The following PSMB10 variants were observed in gnomAD, a reference collection of about 807,000 sequenced individuals.
PSMB10 encodes the protein proteasome subunit beta type-10.
Under a neutral mutation model 29.8 loss-of-function variants are expected in PSMB10, and 29 were observed. The observed-to-expected ratio is 0.97, with a 90% CI of 0.73 to 1.33. The LOEUF is 1.33. PSMB10 is among the 40% of genes most tolerant of loss of function. PSMB10 has a pLI of 0.00. For synonymous variants in PSMB10, 157 were observed against 164.7 expected (o/e 0.95, Z 0.36); for missense variants, 327 against 369.2 (o/e 0.89, Z 0.94).
At chr16:67,935,815 C>A in intron 4 of PSMB10, 118 bp from the exon 5 acceptor site, 1 of 1,473,136 alleles carries the variant, frequency 6.8e-7, no homozygotes, top group Middle Eastern at 2.4e-4. Flanking sequence ...TGACTGACAT[C>A]GCCTTTTCCT....
chr16:67,936,771 TA>T lies in PSMB10; in HGVS notation c.-23del, dbSNP rs770710099. ...GCATCTTGGGGCAGGCAGAGGGGATTAGGGGTCGCGGGCGGATGAGTCGGCC... is the reference window on the plus strand; with the variant it reads ...GCATCTTGGGGCAGGCAGAGGGGATTGGGGTCGCGGGCGGATGAGTCGGCC... On this transcript the variant is annotated 5_prime_UTR_variant, in exon 1 of 8. Coordinates refer to ENST00000358514, the MANE Select transcript of PSMB10 (RefSeq NM_002801.4). 3.8e-4 allele frequency: 584 copies of T among 1,549,582 alleles called. 1 individual carries two copies. Among genetic ancestry groups the T allele is most frequent in the South Asian group, 5.7e-4 (48 of 84,170 alleles).
chr16:67,935,779 G>C, intron 4 of PSMB10, 82 bp from the exon 5 acceptor site: 1 of 1,513,746 alleles, frequency 6.6e-7, no homozygotes. Context: ...TGCTATCCCC[G>C]CCCCTTCCTG....
rs2058264426 is a variant in PSMB10, at chr16:67,936,410, GC to G, written c.131del (p.Gly44AlafsTer44). The G allele has an allele frequency of 6.2e-7, 1 of 1,613,228 alleles. No individual in the cohort carries two copies. On this transcript the variant is annotated frameshift_variant, in exon 2 of 8. Transcript: ENST00000358514. LOFTEE classifies it high-confidence loss of function. Reference sequence around the variant, plus strand: ...CCCCGCTGCTCACTTGGAACACCAGGCCCGCGATGGTGGTCCCGGTCTTGCG... The same window carrying G: ...CCCCGCTGCTCACTTGGAACACCAGGCCGCGATGGTGGTCCCGGTCTTGCG... ...HARKTGTTIAGLVFQDGVILG... is the reference protein window; with the variant it reads ...HARKTGTTIAXLVFQDGVILG...
Position 67,936,696 on chromosome 16 carries a change from T to C in PSMB10, c.54A>G (p.Gln18=). 1 of 1,554,582 alleles carries C rather than the reference T, an allele frequency of 6.4e-7. No homozygotes were observed. The highest frequency in any genetic ancestry group is 8.7e-7 in the Non-Finnish European group (1 of 1,148,656). Residue 18 remains glutamine (Q), a splice_region_variant and synonymous_variant, in exon 1 of 8, where the codon CAA becomes CAG. Transcript: ENST00000358514. ...PRGGFSFENC[Q]RNASLERVLP... is the part of the protein sequence containing the mutation. Reference sequence around the variant, plus strand: ...CGCCCCCCGCGCCCCCGCTTCACCTTTGGCAGTTCTCGAAGGAGAAGCCCC... The same window carrying C: ...CGCCCCCCGCGCCCCCGCTTCACCTCTGGCAGTTCTCGAAGGAGAAGCCCC...
chr16:67,936,320 G>A lies in PSMB10; in HGVS notation c.145-8C>T. The A allele has an allele frequency of 6.2e-7, 1 of 1,612,758 alleles. No individual in the cohort carries two copies. The highest frequency in any genetic ancestry group is 8.5e-7 in the Non-Finnish European group (1 of 1,179,194). ...GCCCAGAATGACCCCGTCCTGAGGA[G>A]AGGGAGGGACCGCAGCTTCAGTGCC... On this transcript the variant is annotated splice_region_variant and splice_polypyrimidine_tract_variant and intron_variant, in intron 2 of 7. Transcript: ENST00000358514.
rs1201258881 is a variant in PSMB10 at position 67,934,559 on chromosome 16, C to T, written c.*1G>A. ...CCTTGTTCCAAGCTCTAAGCCTCAG[C>T]TTACTCCACCTCCATAGCCTGCACA... On this transcript the variant is annotated 3_prime_UTR_variant, in exon 8 of 8. Transcript: ENST00000358514. The surrounding 1 kb of genome is among the most constrained non-coding windows in gnomAD (Gnocchi z 4.3). The T allele has an allele frequency of 5.6e-6, 9 of 1,613,216 alleles. No homozygotes were observed. Among genetic ancestry groups the T allele is most frequent in the Non-Finnish European group, 7.6e-6 (9 of 1,179,254 alleles).
intron 4 of PSMB10, 23 bp from the exon 5 acceptor site, chr16:67,935,720 G>C: frequency 6.2e-7 from 1 of 1,610,308 alleles, no homozygotes; most frequent in Non-Finnish European, 8.5e-7. Context: ...GGGCGGGGTC[G>C]GCCACAAGCT....
In PSMB10 at chr16:67,934,623, C is replaced by A. The variant is rs756980919; in HGVS notation, c.759G>T (p.Gln253His). Residue 253 changes from glutamine to histidine, a missense_variant, in exon 8 of 8, where the codon CAG (glutamine) becomes CAT (histidine). Physicochemically the swap from Gln to His is conservative, Grantham distance 24. Coordinates refer to ENST00000358514, the MANE Select transcript of PSMB10 (RefSeq NM_002801.4). The surrounding 1 kb of genome is among the most constrained non-coding windows in gnomAD (Gnocchi z 4.3). Reference sequence around the variant, plus strand: ...GCTCCAGGGTTAGTGGCTTCACTGTCTGGGTCAGGACAGCTGTGGTTCCAG... The same window carrying A: ...GCTCCAGGGTTAGTGGCTTCACTGTATGGGTCAGGACAGCTGTGGTTCCAG... ...FVPGTTAVLT[Q>H]TVKPLTLELV... 2.2e-5 allele frequency: 36 copies of A among 1,614,086 alleles called. No individual in the cohort carries two copies. The East Asian group carries it at 5.3e-4, about 24-fold the overall frequency.
chr16:67,935,686 T>A lies in PSMB10; in HGVS notation c.395A>T (p.His132Leu), dbSNP rs754403391. 1 of 1,613,748 alleles carries A rather than the reference T, an allele frequency of 6.2e-7. No homozygotes were observed. Among genetic ancestry groups the A allele is most frequent in the South Asian group, 1.1e-5 (1 of 91,056 alleles). Residue 132 changes from histidine (H) to leucine (L), a missense_variant, in exon 5 of 8, where the codon CAC becomes CTC. His to Leu is a moderately conservative substitution (Grantham distance 99). Transcript: ENST00000358514. ...GCCCACGATCAGCGATGCACCCACG[T>A]GGCCCTGGTACCTGCTCGAGGATGG... ...LRQTLFRYQG[H>L]VGASLIVGGV... is the part of the protein sequence containing the mutation.
chr16:67,936,367 C>T (rs755803173), intron 2 of PSMB10, 31 bp downstream of exon 2: 6 of 1,611,350 alleles, frequency 3.7e-6, no homozygotes, highest in Non-Finnish European at 4.2e-6. Context: ...CTCGGCTCCC[C>T]TCCAGCTCCC....
At chr16:67,936,144 G>C in intron 3 of PSMB10, 41 bp from the exon 4 acceptor site, 1 of 1,608,680 alleles carries the variant, frequency 6.2e-7, no homozygotes, top group Non-Finnish European at 8.5e-7. Flanking sequence ...GGGCTGGGAC[G>C]TGCGGGGACC....
chr16:67,936,144 G>A lies in PSMB10; in HGVS notation c.243-41C>T, dbSNP rs745335603. 15 of 1,608,680 alleles carry A rather than the reference G, an allele frequency of 9.3e-6. No individual in the cohort carries two copies. In the East Asian group the frequency reaches 2.5e-4, roughly 26 times the overall value. ...GGATCGGTGTGGGCAGGGCTGGGAC[G>A]TGCGGGGACCGGAGTGGGAACGAGG... On this transcript the variant is annotated intron_variant, in intron 3 of 7. Coordinates refer to ENST00000358514, the MANE Select transcript of PSMB10 (RefSeq NM_002801.4).
chr16:67,936,788 T>A lies in PSMB10; in HGVS notation c.-39A>T. The stretch of plus-strand genomic sequence containing the variant: ...GAGGGGATTAGGGGTCGCGGGCGGA[T>A]GAGTCGGCCAGACAAGCGGGGCCAG... On this transcript the variant is annotated 5_prime_UTR_variant, in exon 1 of 8. Transcript: ENST00000358514. The A allele has an allele frequency of 6.5e-7, 1 of 1,530,602 alleles. No homozygotes were observed. Among genetic ancestry groups the A allele is most frequent in the Non-Finnish European group, 8.8e-7 (1 of 1,131,382 alleles). 94.8% of individuals were successfully genotyped at this position (1,530,602 alleles called of 1,614,324 possible).
intron 4 of PSMB10, 35 bp downstream of exon 4, chr16:67,935,928 C>T (rs1462993876): frequency 2.5e-6 from 4 of 1,591,482 alleles, no homozygotes; most frequent in Non-Finnish European, 3.4e-6. Context: ...CCCGTAACTA[C>T]CCCTGCCGGG....
Position 67,934,925 on chromosome 16 carries a change from C to A in PSMB10, c.582G>T (p.Leu194=). The A allele has an allele frequency of 1.9e-6, 3 of 1,612,564 alleles. No individual in the cohort carries two copies. Among genetic ancestry groups the A allele is most frequent in the Non-Finnish European group, 2.5e-6 (3 of 1,179,986 alleles). The change falls in exon 7 of 8, where the codon CTG becomes CTT. Residue 194 remains leucine (L), a synonymous_variant. Transcript: ENST00000358514. This position sits in a 1 kb window ranked among gnomAD's most constrained non-coding sequence, Gnocchi z 4.3. ...AGATCCCGGCGGTGACGGCTTCCAC[C>A]AGCAGCCCCTGAGCAGCCTCCAGCT... ...NMTLEAAQGL[L]VEAVTAGILG...
Position 67,936,086 on chromosome 16 carries a change from A to T in PSMB10, c.260T>A (p.Val87Glu), listed in dbSNP as rs758135754. Reference protein sequence around the residue: ...APKIYCCGAGVAADAEMTTRM... With the variant: ...APKIYCCGAGEAADAEMTTRM... ...TGTGGTCATCTCGGCGTCCGCGGCT[A>T]CTCCAGCCCCACAGCAGCTGAGGCA... Residue 87 changes from valine (V) to glutamate (E), a missense_variant, in exon 4 of 8, where the codon GTA becomes GAA. Val to Glu is a moderately radical substitution (Grantham distance 121). Transcript: ENST00000358514. 6.2e-7 allele frequency: 1 copy of T among 1,609,458 alleles called. No individual in the cohort carries two copies. The highest frequency in any genetic ancestry group is 8.5e-7 in the Non-Finnish European group (1 of 1,176,764).
intron 4 of PSMB10, 38 bp downstream of exon 4, chr16:67,935,925 C>T (rs771749532): frequency 6.3e-7 from 1 of 1,589,692 alleles, no homozygotes; most frequent in Non-Finnish European, 8.6e-7. Context: ...AACCCCGTAA[C>T]TACCCCTGCC....
rs144122422 is a variant in PSMB10, at chr16:67,934,834, G to A, written c.673C>T (p.Leu225=). The A allele has an allele frequency of 1.2e-6, 2 of 1,614,002 alleles. No homozygotes were observed. The highest frequency in any genetic ancestry group is 1.7e-5 in the Admixed American group (1 of 60,002). Residue 225 remains leucine, a synonymous_variant, in exon 7 of 8, where the codon CTG becomes TTG. Transcript: ENST00000358514. This position sits in a 1 kb window ranked among gnomAD's most constrained non-coding sequence, Gnocchi z 4.3. ...TCTGTGGGTGAGCTCAGTGTCCGCA[G>A]CAGCTTGGCGCCAGTCTTTGTGATC... The part of the protein sequence containing the change: ...CVITKTGAKL[L]RTLSSPTEPV...
chr16:67,935,846 C>A, intron 4 of PSMB10, 117 bp downstream of exon 4: 1 of 1,489,488 alleles, frequency 6.7e-7, no homozygotes, highest in Non-Finnish European at 9.1e-7. Flanking sequence ...TTCTCTTGGG[C>A]CGGCCTCTTC....
Sources: allele counts gnomAD v4.1 joint callset, GRCh38; gene constraint gnomAD v4.1.1; non-coding constraint Gnocchi (gnomAD v3.1); transcripts MANE v1.5; gene names NCBI Gene and HGNC (gene_info 2026-07-23, HGNC 2026-07-21).